TMC2: variants seen among roughly 807,000 people sequenced by gnomAD.
TMC2 encodes transmembrane channel like 2, also known as transmembrane channel-like protein 2.
In TMC2, 102 loss-of-function variants were observed where a neutral mutation model predicts 105.9. The ratio of observed to expected loss-of-function variants is 0.96; its 90% CI spans 0.82 to 1.14. The LOEUF (loss-of-function observed/expected upper bound fraction) is 1.14, where lower values mean the gene tolerates loss of function less well. Ranked by LOEUF, TMC2 falls within the 50% of genes most tolerant of loss-of-function variation. The probability of loss-of-function intolerance (pLI) is 0.00; values close to 1 mark genes in which losing one functional copy is unlikely to be tolerated. For missense variants in TMC2, 1,093 were observed against 1,134.3 expected (o/e 0.96, Z 0.52); for synonymous variants, 402 against 422.8 (o/e 0.95, Z 0.60).
chr20:2,617,567 T>C, intron 16 of TMC2: 2 of 519,536 alleles, frequency 3.8e-6, no homozygotes, highest in Non-Finnish European at 6.9e-6. Flanking sequence ...CTGAGAAAAT[T>C]AATTTCTCAT....
At chr20:2,593,117 G>A (rs1366820129) in intron 8 of TMC2, among the ~76,000 whole-genome samples, 1 of 152,134 alleles carries the variant, frequency 6.6e-6, no homozygotes, top group Non-Finnish European at 1.5e-5. Context: ...CAATCACAGT[G>A]GAAGGCAAAG....
chr20:2,576,913 GT>G (rs71193977), intron 5 of TMC2, among the ~76,000 whole-genome samples: 50,221 of 105,440 alleles, frequency 0.48, 9,449 homozygotes, highest in South Asian at 0.59. Context: ...TTTTTTTTTT[GT>G]TTTTTTTTTT....
chr20:2,636,771 GCA>G (rs10555997), intron 18 of TMC2, among the ~76,000 whole-genome samples: 82,384 of 124,334 alleles, frequency 0.66, 25,170 homozygotes, highest in Admixed American at 0.72. Context: ...CTACAGGCGT[GCA>G]TGCACCACCA....
At chr20:2,595,432 T>C (rs2086298715) in intron 9 of TMC2, among the ~76,000 whole-genome samples, 1 of 152,180 alleles carries the variant, frequency 6.6e-6, no homozygotes, top group Admixed American at 6.5e-5. Flanking sequence ...AGCTTGTGTG[T>C]TAGAACCAAG....
rs1466720797 is a variant in TMC2 at position 2,572,212 on chromosome 20, T to C, written c.588T>C (p.Gly196=). 1 of 1,612,504 alleles carries C rather than the reference T, an allele frequency of 6.2e-7. No individual in the cohort carries two copies. The highest frequency in any genetic ancestry group is 8.5e-7 in the Non-Finnish European group (1 of 1,179,762). Residue 196 remains glycine, a synonymous_variant, in exon 5 of 20, where the codon GGT becomes GGC. Transcript: ENST00000358864. The stretch of plus-strand genomic sequence containing the variant: ...AGGAATTTGTGGAGAAGTATGAAGG[T>C]GCCTTGGGAAAGGGGAAAGGCAAGC... ...EAQEFVEKYE[G]ALGKGKGKQL... is the part of the protein sequence containing the mutation.
chr20:2,637,789 C>G (rs8119616), intron 19 of TMC2, among the ~76,000 whole-genome samples, 198 bp downstream of exon 19: 3,453 of 152,214 alleles, frequency 0.023, 129 homozygotes, highest in African/African-American at 0.076. Context: ...GAGATGTAAT[C>G]ATGCATGTAA....
chr20:2,562,111 G>A, intron 4 of TMC2, 101 bp downstream of exon 4: 1 of 1,398,328 alleles, frequency 7.2e-7, no homozygotes, highest in Admixed American at 2.5e-5. Context: ...GGCTTGATGT[G>A]AGGGGGCTGC....
intron 2 of TMC2, among the ~76,000 whole-genome samples, chr20:2,551,947 T>C (rs2085959143): frequency 6.6e-6 from 1 of 152,196 alleles, no homozygotes; most frequent in African/African-American, 2.4e-5. Flanking sequence ...TTCTGGGTCT[T>C]TTGCCTTTCC....
intron 4 of TMC2, among the ~76,000 whole-genome samples, chr20:2,566,332 A>G (rs1436778491): frequency 6.6e-6 from 1 of 152,254 alleles, no homozygotes; most frequent in Non-Finnish European, 1.5e-5. Flanking sequence ...TTAAAGCTTG[A>G]ACATCTTTTA....
intron 2 of TMC2, 23 bp downstream of exon 2, chr20:2,537,339 C>T: frequency 6.3e-7 from 1 of 1,585,148 alleles, no homozygotes; most frequent in Non-Finnish European, 8.6e-7. Flanking sequence ...GGTGGGGTCT[C>T]TGGGGAGCCT....
intron 17 of TMC2, among the ~76,000 whole-genome samples, chr20:2,632,583 G>A (rs910472376): frequency 4.8e-4 from 73 of 151,532 alleles, no homozygotes; most frequent in Non-Finnish European, 9.1e-4. Context: ...AGATTTTTGG[G>A]GTTTTTTGTT....
chr20:2,611,197 CT>C (rs2086435589), intron 12 of TMC2, among the ~76,000 whole-genome samples: 1 of 152,214 alleles, frequency 6.6e-6, no homozygotes, highest in African/African-American at 2.4e-5. Context: ...GAGGGAACAG[CT>C]GGGTCAACAG....
chr20:2,557,776 T>C (rs6114896), intron 2 of TMC2, among the ~76,000 whole-genome samples: 11,839 of 152,136 alleles, frequency 0.078, 564 homozygotes, highest in East Asian at 0.19. Context: ...CAGTGAAAAT[T>C]TGGTAGGGCT....
At chr20:2,640,215 C>T (rs2086679074) in intron 19 of TMC2, among the ~76,000 whole-genome samples, 1 of 152,150 alleles carries the variant, frequency 6.6e-6, no homozygotes, top group Admixed American at 6.5e-5. Context: ...CTCCTGACCT[C>T]AAATGATCAG....
intron 5 of TMC2, among the ~76,000 whole-genome samples, chr20:2,577,664 C>G (rs931073311): frequency 6.6e-6 from 1 of 152,144 alleles, no homozygotes; most frequent in Non-Finnish European, 1.5e-5. Context: ...GAAATCCTAA[C>G]ACTTTGGGAG....
intron 2 of TMC2, among the ~76,000 whole-genome samples, chr20:2,549,959 G>A (rs1311658192): frequency 6.6e-6 from 1 of 152,012 alleles, no homozygotes; most frequent in African/African-American, 2.4e-5. Flanking sequence ...GAGTTGCACA[G>A]GTCACCTGAG....
At chr20:2,617,517 C>T in intron 16 of TMC2, 1 of 619,502 alleles carries the variant, frequency 1.6e-6, no homozygotes, top group Non-Finnish European at 2.7e-6. Context: ...TTTCAGTAGC[C>T]ACCAGCCACC....
At position 2,630,103 on chromosome 20, in the gene TMC2, A is replaced by G. The variant is rs189406807; in HGVS notation, c.2306+5707A>G. Among the ~76,000 whole-genome samples the G allele has an allele frequency of 2.0e-4, 30 of 152,350 alleles. No individual in the cohort carries two copies. The East Asian group carries it at 5.8e-3, about 29-fold the overall frequency. ...AGACTTAAAAATAATGACAAATAATAAGTCCAAAAAATATTTAGAAGAAGA... is the reference window on the plus strand; with the variant it reads ...AGACTTAAAAATAATGACAAATAATGAGTCCAAAAAATATTTAGAAGAAGA... On this transcript the variant is annotated intron_variant, in intron 17 of 19. Transcript: ENST00000358864.
chr20:2,592,926 C>G lies in TMC2; in HGVS notation c.933+518C>G, dbSNP rs889623375. Among the ~76,000 whole-genome samples, 1 of 152,162 alleles carries G rather than the reference C, an allele frequency of 6.6e-6. No individual in the cohort carries two copies. The highest frequency in any genetic ancestry group is 1.5e-5 in the Non-Finnish European group (1 of 68,038). On this transcript the variant is annotated intron_variant, in intron 8 of 19. Coordinates refer to ENST00000358864, the MANE Select transcript of TMC2 (RefSeq NM_080751.3). The surrounding 1 kb of genome is among the most constrained non-coding windows in gnomAD (Gnocchi z 4.9). ...TTCTACCTCTTCCTCACCAACCACC[C>G]GCCACTGCCATCCAACCAACCACTA...
Sources: gnomAD v4.1 joint callset for allele counts (sites outside exome capture counted in the v4.1 genomes callset) on GRCh38, gnomAD v4.1.1 for gene constraint, Gnocchi (gnomAD v3.1) non-coding constraint, MANE v1.5 for transcripts, NCBI Gene and HGNC (gene_info 2026-07-23, HGNC 2026-07-21) for gene names.